CYBA: variants seen among roughly 807,000 people sequenced by gnomAD.
CYBA encodes the protein cytochrome b-245 alpha chain.
Under a neutral mutation model 20.8 loss-of-function variants are expected in CYBA, and 21 were observed. The observed-to-expected ratio is 1.01, with a 90% CI of 0.72 to 1.46. CYBA has a LOEUF of 1.46. Ranked by LOEUF, CYBA falls within the 40% of genes most tolerant of loss-of-function variation. The pLI, the probability that CYBA is intolerant of heterozygous loss-of-function variation, is 0.00. For missense variants in CYBA, 344 were observed against 287.0 expected (o/e 1.20, Z -1.43); for synonymous variants, 164 against 127.5 (o/e 1.29, Z -1.93).
chr16:88,647,012 C>T (rs576784904), intron 3 of CYBA, 89 bp downstream of exon 3: 2 of 1,334,794 alleles, frequency 1.5e-6, no homozygotes, highest in East Asian at 2.5e-5. Context: ...CCGGAGCCTC[C>T]AAGTGAGAAA....
chr16:88,644,133 A>G (rs1273516233), intron 5 of CYBA, among the ~76,000 whole-genome samples: 1 of 152,248 alleles, frequency 6.6e-6, no homozygotes, highest in African/African-American at 2.4e-5. Context: ...GCAACAGGTC[A>G]AGTGGACCTG....
chr16:88,646,027 C>G, intron 5 of CYBA, 89 bp downstream of exon 5: 1 of 1,120,468 alleles, frequency 8.9e-7, no homozygotes. Context: ...CCTACAGAGC[C>G]GGCTTCAAGG....
intron 1 of CYBA, among the ~76,000 whole-genome samples, chr16:88,648,461 GC>G (rs1337925139): frequency 2.0e-5 from 3 of 152,186 alleles, no homozygotes; most frequent in Non-Finnish European, 4.4e-5. Context: ...AAGCTAACAG[GC>G]CGAGTGTGGT....
At chr16:88,647,397 G>C (rs961038820) in intron 2 of CYBA, among the ~76,000 whole-genome samples, 6 of 152,182 alleles carry the variant, frequency 3.9e-5, no homozygotes, top group Non-Finnish European at 8.8e-5. Context: ...TTAAAAGCCA[G>C]GTGCAGTGGT....
intron 5 of CYBA, among the ~76,000 whole-genome samples, chr16:88,644,500 A>T (rs1907205316): frequency 6.6e-6 from 1 of 152,236 alleles, no homozygotes; most frequent in Admixed American, 6.5e-5. Context: ...CTAAATAGCT[A>T]AAATATATGT....
intron 2 of CYBA, 191 bp downstream of exon 2, chr16:88,647,854 G>T: frequency 3.1e-6 from 2 of 644,902 alleles, no homozygotes; most frequent in Non-Finnish European, 5.6e-6. Flanking sequence ...CGGGTCTGCC[G>T]CTGATCGCCA....
At chr16:88,647,908 CA>C in intron 2 of CYBA, 136 bp downstream of exon 2, 2 of 864,944 alleles carry the variant, frequency 2.3e-6, no homozygotes, top group Non-Finnish European at 3.7e-6. Flanking sequence ...CTGGGCTGCC[CA>C]ACCCGTGCAC....
intron 5 of CYBA, chr16:88,645,138 G>T: frequency 1.4e-6 from 1 of 700,168 alleles, no homozygotes; most frequent in South Asian, 1.5e-5. Flanking sequence ...TTAGCACAAG[G>T]AATTCCTCCC....
intron 5 of CYBA, chr16:88,645,718 A>G (rs1907252393): frequency 9.1e-6 from 5 of 546,534 alleles, no homozygotes; most frequent in Non-Finnish European, 1.3e-5. Flanking sequence ...ACCGCCCATG[A>G]ATCAGCGCGA....
chr16:88,646,960 G>A (rs1907310331), intron 3 of CYBA, 122 bp from the exon 4 acceptor site: 11 of 1,179,358 alleles, frequency 9.3e-6, no homozygotes, highest in Admixed American at 1.9e-5. Flanking sequence ...ACACCGGGCA[G>A]GCACCGGCCT....
intron 1 of CYBA, 147 bp downstream of exon 1, chr16:88,650,809 T>C: frequency 1.2e-6 from 1 of 810,336 alleles, no homozygotes; most frequent in Non-Finnish European, 2.0e-6. Context: ...CCCGCCCCCG[T>C]TCCCCGCACC....
At chr16:88,647,528 C>T (rs1052939863) in intron 2 of CYBA, among the ~76,000 whole-genome samples, 3 of 152,170 alleles carry the variant, frequency 2.0e-5, no homozygotes, top group African/African-American at 7.2e-5. Context: ...AGAGCGAGAC[C>T]CTGTCTCAAA....
At chr16:88,647,368 C>A (rs1262193545) in intron 2 of CYBA, among the ~76,000 whole-genome samples, 193 bp from the exon 3 acceptor site, 1 of 152,082 alleles carries the variant, frequency 6.6e-6, no homozygotes, top group East Asian at 1.9e-4. Flanking sequence ...ATAGTGAGAC[C>A]CTCATCTCTA....
chr16:88,646,731 AG>A (rs771346341), intron 4 of CYBA, 23 bp downstream of exon 4: 1 of 1,605,298 alleles, frequency 6.2e-7, no homozygotes, highest in Non-Finnish European at 8.5e-7. Flanking sequence ...TGAGCCCTAG[AG>A]GGGGTGCGGG....
chr16:88,650,378 C>A (rs1907466529), intron 1 of CYBA: 1 of 456,778 alleles, frequency 2.2e-6, no homozygotes, highest in Non-Finnish European at 4.4e-6. Context: ...TGCCATCCCA[C>A]CCCAAGAGCA....
At chr16:88,648,173 C>T (rs1437946190) in intron 1 of CYBA, 59 bp from the exon 2 acceptor site, 26 of 1,520,902 alleles carry the variant, frequency 1.7e-5, no homozygotes, top group Admixed American at 3.8e-5. Context: ...CTGGGCCACC[C>T]CCCTTCTCTA....
chr16:88,645,013 G>A, intron 5 of CYBA: 1 of 618,736 alleles, frequency 1.6e-6, no homozygotes, highest in Non-Finnish European at 2.9e-6. Flanking sequence ...CCTAGTGCAT[G>A]GTGGGAGAGA....
intron 5 of CYBA, chr16:88,645,366 C>T (rs1907242197): frequency 2.8e-6 from 2 of 702,472 alleles, no homozygotes; most frequent in African/African-American, 3.5e-5. Context: ...TTCCCACGCA[C>T]ACACACTAGA....
intron 5 of CYBA, chr16:88,645,328 G>T: frequency 1.4e-6 from 1 of 702,446 alleles, no homozygotes; most frequent in Non-Finnish European, 2.6e-6. Context: ...TCCATACGCG[G>T]AAGGCGTACA....
Sources: gnomAD v4.1 joint callset for allele counts (sites outside exome capture counted in the v4.1 genomes callset) on GRCh38, gnomAD v4.1.1 for gene constraint, MANE v1.5 for transcripts, NCBI Gene and HGNC (gene_info 2026-07-23, HGNC 2026-07-21) for gene names.